The following CYBRD1 variants were observed in gnomAD, a reference collection of about 807,000 sequenced individuals.
The protein encoded by CYBRD1 is cytochrome b reductase 1.
In CYBRD1, 14 loss-of-function variants were observed where a neutral mutation model predicts 21.9. The ratio of observed to expected loss-of-function variants is 0.64; its 90% CI spans 0.42 to 1.00. The LOEUF (loss-of-function observed/expected upper bound fraction) is 1.00. CYBRD1 is among the 50% of genes least tolerant of loss of function. The probability of loss-of-function intolerance (pLI) is 0.00; values close to 1 mark genes in which losing one functional copy is unlikely to be tolerated. For synonymous variants in CYBRD1, 146 were observed against 136.5 expected (o/e 1.07, Z -0.48); for missense variants, 328 against 352.5 (o/e 0.93, Z 0.56).
chr2:171,531,393 C>T (rs955799956), intron 1 of CYBRD1, among the ~76,000 whole-genome samples: 7 of 152,070 alleles, frequency 4.6e-5, no homozygotes, highest in Non-Finnish European at 7.4e-5. Context: ...AGATACAGCT[C>T]GGTCTGCAAG....
chr2:171,534,900 G>A (rs1242463055), intron 1 of CYBRD1, among the ~76,000 whole-genome samples: 3 of 152,150 alleles, frequency 2.0e-5, no homozygotes, highest in Non-Finnish European at 2.9e-5. Flanking sequence ...TGTTAGCTGG[G>A]TGTAGTGGCA....
At chr2:171,527,580 G>A (rs1232653032) in intron 1 of CYBRD1, among the ~76,000 whole-genome samples, 2 of 152,172 alleles carry the variant, frequency 1.3e-5, no homozygotes, top group African/African-American at 4.8e-5. Flanking sequence ...CAGGAAGAAT[G>A]GACATCATAT....
chr2:171,536,787 A>G (rs190938240), intron 1 of CYBRD1, among the ~76,000 whole-genome samples: 16 of 152,328 alleles, frequency 1.1e-4, no homozygotes, highest in African/African-American at 2.6e-4. Flanking sequence ...AATTTTTGAT[A>G]TAATATGATC....
At chr2:171,523,186 G>A (rs529135431) in intron 1 of CYBRD1, 16 of 356,946 alleles carry the variant, frequency 4.5e-5, no homozygotes, top group South Asian at 3.3e-4. Context: ...GATCGGGGGC[G>A]CGGAAACACT....
At chr2:171,553,531 C>CT in intron 3 of CYBRD1, 31 bp downstream of exon 3, 1 of 1,580,726 alleles carries the variant, frequency 6.3e-7, no homozygotes, top group South Asian at 1.2e-5. Flanking sequence ...AATTGTAATA[C>CT]TTAAGCCACA....
chr2:171,546,888 G>A (rs750631292), intron 2 of CYBRD1, among the ~76,000 whole-genome samples: 4 of 152,148 alleles, frequency 2.6e-5, no homozygotes, highest in Non-Finnish European at 5.9e-5. Flanking sequence ...GCTGTCCAGA[G>A]CAGGGCATAG....
At chr2:171,548,635 A>G (rs1467397950) in intron 2 of CYBRD1, among the ~76,000 whole-genome samples, 2 of 130,228 alleles carry the variant, frequency 1.5e-5, no homozygotes, top group Non-Finnish European at 3.2e-5. Flanking sequence ...CATTAAATCT[A>G]CCTGTACCCT....
At chr2:171,529,305 G>A (rs1697429178) in intron 1 of CYBRD1, among the ~76,000 whole-genome samples, 1 of 152,172 alleles carries the variant, frequency 6.6e-6, no homozygotes, top group African/African-American at 2.4e-5. Context: ...GCCAAGGCAG[G>A]TGGATCACCT....
At chr2:171,548,783 A>T (rs941781542) in intron 2 of CYBRD1, among the ~76,000 whole-genome samples, 5 of 151,170 alleles carry the variant, frequency 3.3e-5, no homozygotes, top group African/African-American at 1.2e-4. Flanking sequence ...AAAAAAAAAA[A>T]AGAAAACAAA....
chr2:171,541,904 A>G (rs1447899640), intron 2 of CYBRD1, 111 bp downstream of exon 2: 1 of 960,174 alleles, frequency 1.0e-6, no homozygotes, highest in Non-Finnish European at 1.5e-6. Flanking sequence ...TCGCTTAGCC[A>G]CCCAGGCTGG....
At chr2:171,540,924 C>T (rs1413767111) in intron 1 of CYBRD1, 1 of 153,196 alleles carries the variant, frequency 6.5e-6, no homozygotes, top group African/African-American at 2.4e-5. Context: ...CACCCCATGC[C>T]TGGCTAATTT....
chr2:171,552,831 A>G (rs1683402096), intron 2 of CYBRD1, among the ~76,000 whole-genome samples: 1 of 152,216 alleles, frequency 6.6e-6, no homozygotes, highest in South Asian at 2.1e-4. Flanking sequence ...TTTAGGTTGA[A>G]CTGACTAAAT....
chr2:171,528,319 A>G (rs768968458), intron 1 of CYBRD1, among the ~76,000 whole-genome samples: 1 of 151,812 alleles, frequency 6.6e-6, no homozygotes. Context: ...TCCCGACCTC[A>G]GGTGATCTAC....
At chr2:171,553,078 GA>G (rs1683405176) in intron 2 of CYBRD1, among the ~76,000 whole-genome samples, 1 of 152,090 alleles carries the variant, frequency 6.6e-6, no homozygotes, top group Non-Finnish European at 1.5e-5. Context: ...GTATAGGTAT[GA>G]AAAAGATTTC....
intron 1 of CYBRD1, among the ~76,000 whole-genome samples, chr2:171,530,206 TA>T (rs1263512383): frequency 6.6e-6 from 1 of 152,228 alleles, no homozygotes; most frequent in Non-Finnish European, 1.5e-5. Flanking sequence ...CCTTGATTTT[TA>T]ATTTCTGGCC....
intron 2 of CYBRD1, among the ~76,000 whole-genome samples, chr2:171,542,386 A>T (rs746982559): frequency 2.6e-5 from 4 of 152,164 alleles, no homozygotes; most frequent in African/African-American, 7.2e-5. Flanking sequence ...ATGCTGGCTC[A>T]TGCCTATAAT....
Position 171,554,657 on chromosome 2 carries a change from A to G in CYBRD1, c.691A>G (p.Asn231Asp), listed in dbSNP as rs769979864. Residue 231 changes from asparagine (N) to aspartate (D), a missense_variant, in exon 4 of 4, where the codon AAT becomes GAT. Physicochemically the swap from Asn to Asp is conservative, Grantham distance 23. Transcript: ENST00000321348. ...GCAATGGAAACGTCCTAAGGAGCCA[A>G]ATTCTACCATTCTTCATCCAAATGG... Reference protein sequence around the residue: ...RPQWKRPKEPNSTILHPNGGT... With the variant: ...RPQWKRPKEPDSTILHPNGGT... 8.7e-6 allele frequency: 14 copies of G among 1,613,960 alleles called. No homozygotes were observed. Among genetic ancestry groups the G allele is most frequent in the Non-Finnish European group, 9.3e-6 (11 of 1,179,994 alleles).
chr2:171,549,971 C>T (rs138416282), intron 2 of CYBRD1, among the ~76,000 whole-genome samples: 4 of 152,290 alleles, frequency 2.6e-5, no homozygotes, highest in African/African-American at 9.6e-5. Flanking sequence ...GAATCAACAG[C>T]AGTCATTTTC....
At chr2:171,522,398 G>C, upstream of CYBRD1, 2 of 1,497,872 alleles carry the variant, frequency 1.3e-6, no homozygotes, top group Non-Finnish European at 1.8e-6. The surrounding 1 kb of genome is among the most constrained non-coding windows in gnomAD (Gnocchi z 4.3). Context: ...CCCACATTCC[G>C]GGCCAGCAGC....
Sources: gnomAD v4.1 joint callset for allele counts (sites outside exome capture counted in the v4.1 genomes callset) on GRCh38, gnomAD v4.1.1 for gene constraint, Gnocchi (gnomAD v3.1) non-coding constraint, MANE v1.5 for transcripts, NCBI Gene and HGNC (gene_info 2026-07-23, HGNC 2026-07-21) for gene names.